CALN1: variants seen among roughly 807,000 people sequenced by gnomAD.
CALN1 encodes the protein calcium-binding protein 8.
CALN1 carries 17 observed loss-of-function variants against 30.6 expected under a neutral mutation model. The observed-to-expected ratio is 0.56, with a 90% CI of 0.38 to 0.83. The LOEUF (loss-of-function observed/expected upper bound fraction) is 0.83, where lower values mean the gene tolerates loss of function less well. Among genes scored for constraint, CALN1 ranks in the 40% least tolerant of loss-of-function variants. CALN1 has a pLI of 0.00. For missense variants in CALN1, 291 were observed against 354.9 expected (o/e 0.82, Z 1.45); for synonymous variants, 156 against 131.4 (o/e 1.19, Z -1.28).
intron 3 of CALN1, among the ~76,000 whole-genome samples, chr7:72,203,979 CTTTTTTTTTTTTTTTTTTTTTTTTTTTTT>C (rs869149598): frequency 1.2e-5 from 1 of 83,778 alleles, no homozygotes; most frequent in African/African-American, 5.2e-5. Context: ...AGGCCTCTCT[CTTTTTTTTTTTTTTTTTTTTTTTTTTTTT>C]TGAGACAGAG....
In CALN1 at chr7:71,787,756, T is replaced by C. The variant is rs1793058671; in HGVS notation, c.*19A>G. On this transcript the variant is annotated 3_prime_UTR_variant, in exon 7 of 7. Transcript: ENST00000395275. Reference sequence around the variant, plus strand: ...ACATGCGCGGTGAGCTGCAACACAGTGTGGCTGGCGGGAGGCTGCTACTCC... The same window carrying C: ...ACATGCGCGGTGAGCTGCAACACAGCGTGGCTGGCGGGAGGCTGCTACTCC... 3.1e-6 allele frequency: 5 copies of C among 1,613,012 alleles called. No homozygotes were observed. In the Admixed American group the frequency reaches 6.7e-5, roughly 22 times the overall value.
chr7:72,104,520 C>T (rs1806940597), intron 4 of CALN1, among the ~76,000 whole-genome samples: 1 of 152,098 alleles, frequency 6.6e-6, no homozygotes, highest in Non-Finnish European at 1.5e-5. Context: ...AAGCCCAGCA[C>T]CCATTAGCTA....
At chr7:72,468,887 C>A in the CALN1 span, among the ~76,000 whole-genome samples, 8 of 152,108 alleles carry the variant, frequency 5.3e-5, no homozygotes, top group Admixed American at 2.0e-4. Context: ...AAATCCTTTG[C>A]CCATTTTTAA....
chr7:72,470,375 A>G, the CALN1 span, among the ~76,000 whole-genome samples: 1 of 151,960 alleles, frequency 6.6e-6, no homozygotes, highest in Non-Finnish European at 1.5e-5. Context: ...AAGACCCCCG[A>G]CTCTAAAAAA....
intron 3 of CALN1, among the ~76,000 whole-genome samples, chr7:72,269,745 C>T (rs879612676): frequency 6.6e-6 from 1 of 152,194 alleles, no homozygotes; most frequent in Admixed American, 6.5e-5. Flanking sequence ...CACATAATCA[C>T]TCTAACATAG....
At chr7:71,828,583 C>T (rs959050416) in intron 5 of CALN1, among the ~76,000 whole-genome samples, 27 of 150,066 alleles carry the variant, frequency 1.8e-4, no homozygotes, top group African/African-American at 6.6e-4. Context: ...CTCTCATCTT[C>T]CAGTGACCTA....
intron 4 of CALN1, among the ~76,000 whole-genome samples, chr7:72,036,985 ATTGT>A (rs1211733006): frequency 2.0e-5 from 3 of 151,366 alleles, no homozygotes; most frequent in South Asian, 2.1e-4. Flanking sequence ...ATTTACTTGT[ATTGT>A]TTTAGTTTTT....
chr7:72,109,785 G>A (rs1807431444), intron 3 of CALN1, among the ~76,000 whole-genome samples: 3 of 152,216 alleles, frequency 2.0e-5, no homozygotes, highest in Admixed American at 2.0e-4. Context: ...CTCCCGACGT[G>A]AGAGTCAGCC....
chr7:72,398,187 G>C (rs954351404), intron 2 of CALN1, among the ~76,000 whole-genome samples: 2 of 152,196 alleles, frequency 1.3e-5, no homozygotes, highest in Admixed American at 6.5e-5. Context: ...GCAGCTCAGC[G>C]TCCAGGCAAC....
intron 1 of CALN1, among the ~76,000 whole-genome samples, chr7:72,407,271 A>C (rs778655630): frequency 1.1e-4 from 17 of 152,276 alleles, no homozygotes; most frequent in African/African-American, 2.4e-4. Context: ...CCTGATAATA[A>C]CACCTACCTT....
intron 2 of CALN1, among the ~76,000 whole-genome samples, chr7:72,315,911 C>T (rs1800410006): frequency 6.6e-6 from 1 of 152,060 alleles, no homozygotes; most frequent in Admixed American, 6.6e-5. Flanking sequence ...CTTTGGGAGG[C>T]TGAGGCAGGA....
chr7:72,090,596 C>T (rs1184031515), intron 4 of CALN1, among the ~76,000 whole-genome samples: 1 of 152,016 alleles, frequency 6.6e-6, no homozygotes, highest in Non-Finnish European at 1.5e-5. Context: ...AACAAAAACC[C>T]ACAAAAACAT....
At position 72,136,793 on chromosome 7, in the gene CALN1, A is replaced by G. The variant is rs78007506; in HGVS notation, c.245-30499T>C. On this transcript the variant is annotated intron_variant, in intron 3 of 6. Transcript: ENST00000395275. The stretch of plus-strand genomic sequence containing the variant: ...ATTTCAGTGTTATTGTATCTCAGGG[A>G]ATAGGGATCCCCAAGGAGAGGGAGA... Among the ~76,000 whole-genome samples the G allele has an allele frequency of 9.9e-4, 150 of 152,270 alleles. 4 individuals carry two copies. The East Asian group carries it at 0.028, about 29-fold the overall frequency.
chr7:72,100,327 G>T (rs1219389009), intron 4 of CALN1, among the ~76,000 whole-genome samples: 1 of 151,830 alleles, frequency 6.6e-6, no homozygotes, highest in Non-Finnish European at 1.5e-5. Context: ...GATTACAGAC[G>T]TGTACCACTA....
At chr7:72,253,859 G>A (rs964003127) in intron 3 of CALN1, among the ~76,000 whole-genome samples, 11 of 152,128 alleles carry the variant, frequency 7.2e-5, no homozygotes, top group East Asian at 5.8e-4. Flanking sequence ...TCCTGCCTCC[G>A]CCTCCAGAGG....
chr7:72,215,819 G>A (rs1384287075), intron 3 of CALN1, among the ~76,000 whole-genome samples: 1 of 152,060 alleles, frequency 6.6e-6, no homozygotes, highest in Non-Finnish European at 1.5e-5. Flanking sequence ...CCACAGCCAC[G>A]TCCTCCCCAG....
Position 72,176,421 on chromosome 7 carries a change from C to T in CALN1, c.245-70127G>A, listed in dbSNP as rs548387283. On this transcript the variant is annotated intron_variant, in intron 3 of 6. Coordinates refer to ENST00000395275, the MANE Select transcript of CALN1 (RefSeq NM_031468.4). ...ATATGATTCCCAGTGTTGGAGGTGA[C>T]GCCTGCTTGGAGGTGTTTGGGTCAT... Among the ~76,000 whole-genome samples the T allele has an allele frequency of 5.3e-5, 8 of 152,246 alleles. No homozygotes were observed. The East Asian group carries it at 9.6e-4, about 18-fold the overall frequency.
chr7:72,412,985 C>G (rs1438361193), upstream of CALN1, among the ~76,000 whole-genome samples: 1 of 152,206 alleles, frequency 6.6e-6, no homozygotes, highest in African/African-American at 2.4e-5. Flanking sequence ...GATGGCTGTG[C>G]TGGCTCACGC....
At chr7:72,478,866 T>C in the CALN1 span, among the ~76,000 whole-genome samples, 8 of 146,622 alleles carry the variant, frequency 5.5e-5, no homozygotes, top group African/African-American at 7.6e-5. Context: ...CAGGTTTATT[T>C]GCCATGCATA....
Sources: gnomAD v4.1 joint callset for allele counts (sites outside exome capture counted in the v4.1 genomes callset) on GRCh38, gnomAD v4.1.1 for gene constraint, MANE v1.5 for transcripts, NCBI Gene and HGNC (gene_info 2026-07-23, HGNC 2026-07-21) for gene names.